The following ACYP2 variants were observed in gnomAD, a reference collection of about 807,000 sequenced individuals.
ACYP2 encodes the protein acylphosphatase-2.
In ACYP2, 12 loss-of-function variants were observed where a neutral mutation model predicts 11.2. That is an observed-to-expected ratio of 1.08 (90% confidence interval 0.69 to 1.74). ACYP2 has a LOEUF of 1.74. ACYP2 is among the 40% of genes most tolerant of loss of function. The pLI, the probability that ACYP2 is intolerant of heterozygous loss-of-function variation, is 0.00. For synonymous variants in ACYP2, 43 were observed against 32.2 expected, an observed-to-expected ratio of 1.33 and a Z score of -1.13; for missense variants, 134 against 101.9, an observed-to-expected ratio of 1.31 and a Z score of -1.35.
chr2:54,138,347 C>G (rs1246053008), intron 5 of ACYP2, among the ~76,000 whole-genome samples: 1 of 152,034 alleles, frequency 6.6e-6, no homozygotes, highest in East Asian at 1.9e-4. Flanking sequence ...TTTATGTATC[C>G]AAAAACACAT....
At chr2:54,216,470 T>C (rs1279094583) in intron 6 of ACYP2, among the ~76,000 whole-genome samples, 1 of 152,186 alleles carries the variant, frequency 6.6e-6, no homozygotes, top group Admixed American at 6.5e-5. Flanking sequence ...ATTTATAATA[T>C]TGTCCCATCA....
At chr2:54,173,164 C>T (rs571704002) in intron 6 of ACYP2, among the ~76,000 whole-genome samples, 10 of 152,254 alleles carry the variant, frequency 6.6e-5, no homozygotes, top group South Asian at 6.2e-4. Context: ...CTCCCACCAA[C>T]GTGTAAAAGC....
At chr2:54,243,068 T>C (rs1436271964) in intron 6 of ACYP2, among the ~76,000 whole-genome samples, 2 of 152,244 alleles carry the variant, frequency 1.3e-5, no homozygotes, top group Admixed American at 1.3e-4. Flanking sequence ...TCAGGGAGAT[T>C]AGCCCTTTGT....
Position 54,182,851 on chromosome 2 carries a change from G to T in ACYP2, c.404+44103G>T, listed in dbSNP as rs1212323875. Among the ~76,000 whole-genome samples the T allele has an allele frequency of 3.9e-5, 6 of 152,094 alleles. No individual in the cohort carries two copies. The East Asian group carries it at 1.2e-3, about 29-fold the overall frequency. The stretch of plus-strand genomic sequence containing the variant: ...CAGTGCCCATCTTGGGGCAGATCCA[G>T]GTTTCACAAAACTTACCAGGGAGAC... On this transcript the variant is annotated intron_variant, in intron 6 of 6. Transcript: ENST00000607452.
intron 6 of ACYP2, among the ~76,000 whole-genome samples, chr2:54,204,804 G>A (rs144121807): frequency 6.6e-6 from 1 of 152,170 alleles, no homozygotes; most frequent in Non-Finnish European, 1.5e-5. Flanking sequence ...TAGGCCTCCT[G>A]AATCTGTCCT....
intron 6 of ACYP2, among the ~76,000 whole-genome samples, chr2:54,250,958 T>C (rs116791570): frequency 0.012 from 1,797 of 152,322 alleles, 31 homozygotes; most frequent in African/African-American, 0.041. Flanking sequence ...CTTTGAAATA[T>C]AGAGCATCTT....
intron 2 of ACYP2, among the ~76,000 whole-genome samples, chr2:53,982,794 C>G (rs1222611853): frequency 4.6e-5 from 7 of 150,978 alleles, no homozygotes; most frequent in African/African-American, 1.7e-4. Context: ...CCTTGATTTT[C>G]ACAACTTCCA....
rs1674965327 is a variant in ACYP2 at position 54,037,452 on chromosome 2, C to G, written c.63-13506C>G. Among the ~76,000 whole-genome samples, 4 of 152,064 alleles carry G rather than the reference C, an allele frequency of 2.6e-5. No individual in the cohort carries two copies. In the South Asian group the frequency reaches 8.3e-4, roughly 32 times the overall value. ...TTGAGACAGAGTCTTGCTCTGTCACCCAGGCTGAGGTGCAGTGGCACAATC... is the reference window on the plus strand; with the variant it reads ...TTGAGACAGAGTCTTGCTCTGTCACGCAGGCTGAGGTGCAGTGGCACAATC... On this transcript the variant is annotated intron_variant, in intron 2 of 6. Transcript: ENST00000607452.
intron 2 of ACYP2, among the ~76,000 whole-genome samples, chr2:54,027,015 C>T (rs746119443): frequency 6.6e-6 from 1 of 152,114 alleles, no homozygotes; most frequent in Non-Finnish European, 1.5e-5. Flanking sequence ...AAGAACTTAC[C>T]ATGTAACCAA....
intron 4 of ACYP2, among the ~76,000 whole-genome samples, chr2:54,058,309 T>TA (rs36054811): frequency 0.46 from 66,240 of 144,630 alleles, 15,263 homozygotes; most frequent in Middle Eastern, 0.55. Flanking sequence ...AAGCTTATAT[T>TA]AAAAAAAAAA....
chr2:54,136,106 C>G (rs1211146988), intron 5 of ACYP2, among the ~76,000 whole-genome samples: 1 of 152,156 alleles, frequency 6.6e-6, no homozygotes, highest in Non-Finnish European at 1.5e-5. Context: ...ACCATGTTGG[C>G]CAGGCTGGTC....
intron 6 of ACYP2, among the ~76,000 whole-genome samples, chr2:54,173,557 G>C (rs538491655): frequency 6.6e-6 from 1 of 152,240 alleles, no homozygotes; most frequent in South Asian, 2.1e-4. Context: ...GATCCCATTT[G>C]TCTATTTCGG....
intron 6 of ACYP2, among the ~76,000 whole-genome samples, chr2:54,228,126 C>T (rs1686085923): frequency 6.6e-6 from 1 of 152,212 alleles, no homozygotes; most frequent in African/African-American, 2.4e-5. Flanking sequence ...TAATGAATTT[C>T]AATCCCTTAT....
At chr2:54,255,862 C>G in intron 6 of ACYP2, 1 of 1,614,006 alleles carries the variant, frequency 6.2e-7, no homozygotes, top group Non-Finnish European at 8.5e-7. Flanking sequence ...CGCTTCTAGG[C>G]CCTCCGCGGG....
intron 6 of ACYP2, among the ~76,000 whole-genome samples, chr2:54,221,762 T>A (rs1331304605): frequency 6.6e-6 from 1 of 152,090 alleles, no homozygotes; most frequent in African/African-American, 2.4e-5. Context: ...CCTCAGGTGA[T>A]CCACTCGCCT....
intron 6 of ACYP2, among the ~76,000 whole-genome samples, chr2:54,222,185 G>C (rs948102096): frequency 2.6e-5 from 4 of 152,186 alleles, no homozygotes; most frequent in African/African-American, 9.7e-5. Flanking sequence ...CTTGACCCAA[G>C]TCCATCTGAC....
intron 4 of ACYP2, among the ~76,000 whole-genome samples, chr2:54,071,792 C>T (rs900628286): frequency 1.3e-5 from 2 of 152,152 alleles, no homozygotes; most frequent in Non-Finnish European, 2.9e-5. Flanking sequence ...GGGTGGATCA[C>T]CTGAGGTCAG....
chr2:54,150,345 C>G (rs951279080), intron 6 of ACYP2, among the ~76,000 whole-genome samples: 1 of 152,232 alleles, frequency 6.6e-6, no homozygotes, highest in African/African-American at 2.4e-5. Context: ...TGTTGTAGGT[C>G]TAACTCATCA....
At chr2:54,280,501 T>A (rs1168692184) in intron 6 of ACYP2, among the ~76,000 whole-genome samples, 1 of 151,916 alleles carries the variant, frequency 6.6e-6, no homozygotes, top group Non-Finnish European at 1.5e-5. Flanking sequence ...AAATCAAGAT[T>A]AAGAGAACAC....
Sources: gnomAD v4.1 joint callset for allele counts (sites outside exome capture counted in the v4.1 genomes callset) on GRCh38, gnomAD v4.1.1 for gene constraint, MANE v1.5 for transcripts, NCBI Gene and HGNC (gene_info 2026-07-23, HGNC 2026-07-21) for gene names.